The following FARP1 variants were observed in gnomAD, a reference collection of about 807,000 sequenced individuals.
The protein encoded by FARP1 is FERM, ARH/RhoGEF and pleckstrin domain protein 1.
In FARP1, 52 loss-of-function variants were observed where a neutral mutation model predicts 128.8. That is an observed-to-expected ratio of 0.40 (90% CI 0.32 to 0.51). The LOEUF is 0.51. Among genes scored for constraint, FARP1 ranks in the 20% least tolerant of loss-of-function variants. The pLI, the probability that FARP1 is intolerant of heterozygous loss-of-function variation, is 0.45. For missense variants in FARP1, 1,333 were observed against 1,367.9 expected (o/e 0.97, Z 0.40); for synonymous variants, 580 against 551.8 (o/e 1.05, Z -0.72).
At chr13:98,334,686 TAC>T (rs1230354179) in intron 2 of FARP1, among the ~76,000 whole-genome samples, 1 of 152,196 alleles carries the variant, frequency 6.6e-6, no homozygotes, top group African/African-American at 2.4e-5. Context: ...AGTAAGGAAG[TAC>T]ACTAATTAAG....
In FARP1 at chr13:98,220,010, G is replaced by A. The variant is rs550467908; in HGVS notation, c.171+6597G>A. Among the ~76,000 whole-genome samples the A allele has an allele frequency of 1.3e-4, 20 of 151,460 alleles. No homozygotes were observed. In the South Asian group the frequency reaches 3.6e-3, roughly 27 times the overall value. On this transcript the variant is annotated intron_variant, in intron 2 of 26. Coordinates refer to ENST00000319562, the MANE Select transcript of FARP1 (RefSeq NM_005766.4). ...TTCTCTTTCAGCCATCTTAGGGAAT[G>A]TGCCCTTTTTGGTAAGCTGAAGAAA...
intron 2 of FARP1, among the ~76,000 whole-genome samples, chr13:98,289,113 C>CA (rs1025240788): frequency 6.6e-5 from 10 of 152,144 alleles, no homozygotes; most frequent in African/African-American, 2.4e-4. Flanking sequence ...CACAGACCAT[C>CA]AAAATGTACT....
chr13:98,188,958 T>C (rs1879058728), intron 1 of FARP1, among the ~76,000 whole-genome samples: 1 of 152,172 alleles, frequency 6.6e-6, no homozygotes, highest in African/African-American at 2.4e-5. Flanking sequence ...AAGTCCAGCT[T>C]GGTGGCAAAC....
At chr13:98,445,307 A>T (rs576034150) in intron 24 of FARP1, 69 of 152,396 alleles carry the variant, frequency 4.5e-4, no homozygotes, top group Admixed American at 9.8e-4. Context: ...AACTGCTTTG[A>T]GTCTCTGCTG....
At chr13:98,408,611 G>A (rs1350825849) in intron 13 of FARP1, among the ~76,000 whole-genome samples, 1 of 152,180 alleles carries the variant, frequency 6.6e-6, no homozygotes, top group Non-Finnish European at 1.5e-5. Flanking sequence ...TTACAGGCGC[G>A]AGCCACTGCG....
intron 23 of FARP1, 34 bp downstream of exon 23, chr13:98,440,269 G>T: frequency 1.3e-6 from 2 of 1,499,366 alleles, no homozygotes; most frequent in Non-Finnish European, 1.9e-6. Flanking sequence ...CCCATGCAGG[G>T]GTCTGGTTCA....
chr13:98,312,135 C>CTT (rs60890411), intron 2 of FARP1, among the ~76,000 whole-genome samples: 16 of 86,124 alleles, frequency 1.9e-4, no homozygotes, highest in Admixed American at 1.2e-3. Flanking sequence ...GTGGTAACTG[C>CTT]TTTTTTTTTT....
intron 21 of FARP1, among the ~76,000 whole-genome samples, chr13:98,439,473 G>T (rs1473279480): frequency 6.6e-6 from 1 of 152,110 alleles, no homozygotes; most frequent in East Asian, 1.9e-4. Context: ...ATAGAATCGA[G>T]TGAAAGGGTA....
chr13:98,433,871 G>C (rs959368273), intron 18 of FARP1: 8 of 152,230 alleles, frequency 5.3e-5, no homozygotes, highest in African/African-American at 1.9e-4. Flanking sequence ...CTGACCTCCT[G>C]TCCGCCTTGT....
chr13:98,377,812 T>C lies in FARP1; in HGVS notation c.399-9T>C. ...TTTGCCTGACGCCCAGCTCTGTTGA[T>C]CTTCGCAGGTACCTGTTCGCGCTGC... is the stretch of plus-strand genomic sequence containing the variant. On this transcript the variant is annotated splice_polypyrimidine_tract_variant and intron_variant, in intron 5 of 26. Transcript: ENST00000319562. 3 of 1,611,852 alleles carry C rather than the reference T, an allele frequency of 1.9e-6. No homozygotes were observed. The highest frequency in any genetic ancestry group is 1.7e-6 in the Non-Finnish European group (2 of 1,177,966).
In FARP1 at chr13:98,176,815, C is replaced by T. The variant is rs757905776; in HGVS notation, c.-24+33323C>T. 6.2e-7 allele frequency: 1 copy of T among 1,612,798 alleles called. No homozygotes were observed. The highest frequency in any genetic ancestry group is 8.5e-7 in the Non-Finnish European group (1 of 1,179,966). ...TCCCCGGTAGATGTGGTCGTGCTCC[C>T]GACCCCGCAGTGCCTCCTGGACCCG... On this transcript the variant is annotated intron_variant, in intron 1 of 26. Transcript: ENST00000319562. The surrounding 1 kb of genome is among the most constrained non-coding windows in gnomAD (Gnocchi z 6.2).
chr13:98,185,307 G>A (rs1878788858), intron 1 of FARP1, among the ~76,000 whole-genome samples: 4 of 152,164 alleles, frequency 2.6e-5, no homozygotes, highest in Non-Finnish European at 5.9e-5. Context: ...CCGCTGGAAA[G>A]AGCCCTTGAA....
intron 2 of FARP1, among the ~76,000 whole-genome samples, chr13:98,274,418 G>A (rs9517240): frequency 0.33 from 50,175 of 151,890 alleles, 8,586 homozygotes; most frequent in South Asian, 0.49. Context: ...AGAGACTGAG[G>A]GAGGAAGGAA....
At chr13:98,238,892 G>T (rs568222227) in intron 2 of FARP1, among the ~76,000 whole-genome samples, 1 of 152,092 alleles carries the variant, frequency 6.6e-6, no homozygotes, top group African/African-American at 2.4e-5. Flanking sequence ...CTGTGGAGGG[G>T]GTCTGTGCGC....
chr13:98,276,846 T>C (rs1313684351), intron 2 of FARP1, among the ~76,000 whole-genome samples: 1 of 152,086 alleles, frequency 6.6e-6, no homozygotes, highest in African/African-American at 2.4e-5. Flanking sequence ...CCACCCACAC[T>C]GGGTGTGTGA....
intron 24 of FARP1, 45 bp downstream of exon 24, chr13:98,440,881 C>T (rs1265372583): frequency 2.0e-6 from 3 of 1,536,610 alleles, no homozygotes; most frequent in Non-Finnish European, 2.6e-6. Context: ...TGTGCTGGCC[C>T]AGGCAGAACC....
chr13:98,161,611 A>G (rs1876892104), intron 1 of FARP1, among the ~76,000 whole-genome samples: 1 of 152,120 alleles, frequency 6.6e-6, no homozygotes. Context: ...CTGAGTTCAC[A>G]TGATGGGAAG....
intron 2 of FARP1, among the ~76,000 whole-genome samples, chr13:98,256,984 T>C (rs1371524448): frequency 1.5e-5 from 2 of 129,962 alleles, no homozygotes; most frequent in East Asian, 4.4e-4. Flanking sequence ...TATATATATA[T>C]ATATATACCG....
chr13:98,168,321 G>A (rs1432938871), intron 1 of FARP1, among the ~76,000 whole-genome samples: 1 of 152,080 alleles, frequency 6.6e-6, no homozygotes, highest in Non-Finnish European at 1.5e-5. Flanking sequence ...GCTGAGTTTT[G>A]TTTCCTGTGG....
Sources: allele counts gnomAD v4.1 joint callset (sites outside exome capture counted in the v4.1 genomes callset), GRCh38; gene constraint gnomAD v4.1.1; non-coding constraint Gnocchi (gnomAD v3.1); transcripts MANE v1.5; gene names NCBI Gene and HGNC (gene_info 2026-07-23, HGNC 2026-07-21).